LMO7: variants seen among roughly 807,000 people sequenced by gnomAD.
The protein encoded by LMO7 is LIM domain 7.
LMO7 carries 120 observed loss-of-function variants against 206.5 expected under a neutral mutation model. The observed-to-expected ratio is 0.58, with a 90% CI of 0.50 to 0.68. LMO7 has a LOEUF of 0.68. LMO7 is among the 30% of genes least tolerant of loss of function. The pLI, the probability that LMO7 is intolerant of heterozygous loss-of-function variation, is 0.00. For synonymous variants in LMO7, 706 were observed against 681.5 expected, an observed-to-expected ratio of 1.04 and a Z score of -0.56; for missense variants, 1,959 against 1,957.9, an observed-to-expected ratio of 1.00 and a Z score of -0.01.
upstream of LMO7, among the ~76,000 whole-genome samples, chr13:75,634,262 C>A (rs750782001): frequency 2.0e-5 from 3 of 151,978 alleles, no homozygotes; most frequent in Admixed American, 6.6e-5. Context: ...CATAGTGAGA[C>A]CCCTCTCTCT....
Position 75,833,729 on chromosome 13 carries a change from T to A in LMO7, c.3065-497T>A, listed in dbSNP as rs534743059. On this transcript the variant is annotated intron_variant, in intron 16 of 30. Coordinates refer to ENST00000377534, the MANE Select transcript of LMO7 (RefSeq NM_001306080.2). Reference sequence around the variant, plus strand: ...TTTACTTTTATTTTTTAGTTTTTTTTACATATTTTAGCTATATAAAATTGC... The same window carrying A: ...TTTACTTTTATTTTTTAGTTTTTTTAACATATTTTAGCTATATAAAATTGC... 5.3e-5 allele frequency among the ~76,000 whole-genome samples: 8 copies of A among 152,288 alleles called. No individual in the cohort carries two copies. In the South Asian group the frequency reaches 1.2e-3, roughly 24 times the overall value.
chr13:75,634,669 G>T (rs1410238029), upstream of LMO7, among the ~76,000 whole-genome samples: 2 of 152,154 alleles, frequency 1.3e-5, no homozygotes, highest in East Asian at 3.9e-4. Flanking sequence ...CGTGGACCCG[G>T]GAGGCGGAGC....
intron 10 of LMO7, among the ~76,000 whole-genome samples, chr13:75,808,866 A>G (rs1055394553): frequency 3.9e-5 from 6 of 152,222 alleles, no homozygotes; most frequent in Non-Finnish European, 7.3e-5. Flanking sequence ...GTTGAATAAA[A>G]TTAGAGGATC....
chr13:75,832,349 G>A (rs1452856541), intron 15 of LMO7, among the ~76,000 whole-genome samples: 1 of 152,170 alleles, frequency 6.6e-6, no homozygotes, highest in Non-Finnish European at 1.5e-5. Flanking sequence ...TGGGGCTTAT[G>A]AGCTGATGTC....
At chr13:75,626,035 C>T (rs80031212) in intron 2 of LMO7, among the ~76,000 whole-genome samples, 89 of 152,158 alleles carry the variant, frequency 5.8e-4, no homozygotes, top group African/African-American at 1.9e-3. Context: ...GGGTGAGGTT[C>T]GCTTAAGATC....
chr13:75,781,536 A>G (rs2051445707), intron 4 of LMO7, among the ~76,000 whole-genome samples: 1 of 151,990 alleles, frequency 6.6e-6, no homozygotes, highest in African/African-American at 2.4e-5. Flanking sequence ...ATTGTTGGAC[A>G]TTTGGGTTGG....
At chr13:75,745,440 A>G (rs2139289335) in intron 3 of LMO7, among the ~76,000 whole-genome samples, 1 of 152,328 alleles carries the variant, frequency 6.6e-6, no homozygotes, top group East Asian at 1.9e-4. Context: ...TGTTAAGAAT[A>G]ATACAAAATC....
At chr13:75,709,699 G>A (rs1468766012) in intron 1 of LMO7, among the ~76,000 whole-genome samples, 2 of 152,048 alleles carry the variant, frequency 1.3e-5, no homozygotes, top group Non-Finnish European at 2.9e-5. Flanking sequence ...CTGGATATTA[G>A]CCCTTTGTCA....
chr13:75,754,419 A>C (rs1235685026), intron 3 of LMO7, among the ~76,000 whole-genome samples: 9 of 152,224 alleles, frequency 5.9e-5, no homozygotes, highest in Admixed American at 4.6e-4. Flanking sequence ...AGCAGACATC[A>C]GAACGGTTTG....
At chr13:75,840,541 C>T (rs557771089) in intron 22 of LMO7, 46 bp downstream of exon 22, 66 of 1,594,786 alleles carry the variant, frequency 4.1e-5, no homozygotes, top group Middle Eastern at 3.3e-4. Context: ...TTGGATTTCA[C>T]GGCTTTTCTC....
chr13:75,706,129 G>A (rs1052814514), intron 1 of LMO7, among the ~76,000 whole-genome samples: 1 of 152,120 alleles, frequency 6.6e-6, no homozygotes, highest in African/African-American at 2.4e-5. Flanking sequence ...TTTCACAAAT[G>A]GGATAACTAA....
intron 1 of LMO7, among the ~76,000 whole-genome samples, chr13:75,707,316 C>A (rs1329994705): frequency 1.3e-5 from 2 of 151,812 alleles, no homozygotes; most frequent in African/African-American, 4.8e-5. Context: ...GGATTATACT[C>A]CCAATTTTTC....
At chr13:75,739,128 A>G (rs1296675546) in intron 3 of LMO7, among the ~76,000 whole-genome samples, 1 of 152,250 alleles carries the variant, frequency 6.6e-6, no homozygotes, top group Non-Finnish European at 1.5e-5. Context: ...ACTGAGCTAA[A>G]GAATTAAGAA....
chr13:75,734,803 G>T lies in LMO7; in HGVS notation c.210+7705G>T, dbSNP rs544257458. Among the ~76,000 whole-genome samples the T allele has an allele frequency of 5.0e-3, 756 of 152,274 alleles. 2 individuals are homozygous for T. Among genetic ancestry groups the T allele is most frequent in the African/African-American group, 0.016 (665 of 41,558 alleles). On this transcript the variant is annotated intron_variant, in intron 3 of 30. Transcript: ENST00000377534. ...GACAGCTGACCTAATAATTTTAGTGGTTTCAAATTATATAGGCCGGGTGTG... is the reference window on the plus strand; with the variant it reads ...GACAGCTGACCTAATAATTTTAGTGTTTTCAAATTATATAGGCCGGGTGTG...
chr13:75,824,578 G>GT (rs2057929795), intron 15 of LMO7, among the ~76,000 whole-genome samples: 1 of 152,102 alleles, frequency 6.6e-6, no homozygotes, highest in Admixed American at 6.5e-5. Flanking sequence ...GGTAATAAAT[G>GT]TTTTTTGTAG....
intron 1 of LMO7, chr13:75,688,971 G>A (rs2041239526): frequency 6.6e-6 from 1 of 152,052 alleles, no homozygotes; most frequent in Admixed American, 6.6e-5. Context: ...TGTTTGGAAT[G>A]TTTTTAATGC....
intron 4 of LMO7, among the ~76,000 whole-genome samples, chr13:75,784,174 C>A (rs556514851): frequency 1.4e-3 from 220 of 152,194 alleles, no homozygotes; most frequent in African/African-American, 5.0e-3. Context: ...ACAGTTTCCC[C>A]CCGAAGCAGA....
chr13:75,737,777 T>TAAAAAAAAAAAA (rs1391839155), intron 3 of LMO7, among the ~76,000 whole-genome samples: 1 of 22,708 alleles, frequency 4.4e-5, no homozygotes, highest in Non-Finnish European at 6.9e-5. Flanking sequence ...TAAAATAAAA[T>TAAAAAAAAAAAA]AAAATAAAAA....
At chr13:75,737,712 C>A (rs1477212860) in intron 3 of LMO7, among the ~76,000 whole-genome samples, 1 of 122,180 alleles carries the variant, frequency 8.2e-6, no homozygotes, top group Non-Finnish European at 1.6e-5. Flanking sequence ...GAGATCGCGC[C>A]ACTGCACTCC....
Sources: gnomAD v4.1 joint callset for allele counts (sites outside exome capture counted in the v4.1 genomes callset) on GRCh38, gnomAD v4.1.1 for gene constraint, MANE v1.5 for transcripts, NCBI Gene and HGNC (gene_info 2026-07-23, HGNC 2026-07-21) for gene names.